TSHR: variants seen among roughly 807,000 people sequenced by gnomAD.
TSHR encodes thyroid stimulating hormone receptor.
TSHR carries 51 observed loss-of-function variants against 64.1 expected under a neutral mutation model. The observed-to-expected ratio is 0.80, with a 90% confidence interval of 0.64 to 1.01. The LOEUF is 1.01. Ranked by LOEUF, TSHR falls within the 50% of genes least tolerant of loss-of-function variation. The pLI is 0.00. For missense variants in TSHR, 877 were observed against 942.8 expected (o/e 0.93, Z 0.91); for synonymous variants, 361 against 361.9 (o/e 1.00, Z 0.03).
Position 80,968,724 on chromosome 14 carries a change from C to G in TSHR, c.170+12874C>G, listed in dbSNP as rs148406713. ...ACCATTATCTGTGGGCTCAAAAGAA[C>G]CAAGAGATGCCCCAGTGAATTCCCT... On this transcript the variant is annotated intron_variant, in intron 1 of 9. Transcript: ENST00000298171. 5.6e-3 allele frequency among the ~76,000 whole-genome samples: 857 copies of G among 152,260 alleles called. 6 individuals carry two copies. The highest frequency in any genetic ancestry group is 8.6e-3 in the Non-Finnish European group (587 of 68,014).
intron 8 of TSHR, among the ~76,000 whole-genome samples, chr14:81,109,104 T>G (rs1890106009): frequency 6.6e-6 from 1 of 152,242 alleles, no homozygotes. Flanking sequence ...GCATCCACTC[T>G]AGTCCTTGCC....
At chr14:81,136,460 G>C (rs1211681927) in intron 8 of TSHR, among the ~76,000 whole-genome samples, 1 of 152,136 alleles carries the variant, frequency 6.6e-6, no homozygotes, top group Non-Finnish European at 1.5e-5. Context: ...GTGGATGAGA[G>C]TGTCAATTAC....
intron 1 of TSHR, among the ~76,000 whole-genome samples, chr14:80,967,129 A>C (rs1325757310): frequency 6.6e-6 from 1 of 151,642 alleles, no homozygotes; most frequent in Non-Finnish European, 1.5e-5. Context: ...GAAGCTAAAA[A>C]AGGAATCCAG....
In TSHR at chr14:81,073,021, A is replaced by AAAAAT. The variant is rs1566794433; in HGVS notation, c.317+4694_317+4695insAAATA. On this transcript the variant is annotated intron_variant, in intron 3 of 9. Coordinates refer to ENST00000298171, the MANE Select transcript of TSHR (RefSeq NM_000369.5). ...CAAAAAAAAAAAAAAATAAAAAATA[A>AAAAAT]ATATATATATATATATATATATATA... Among the ~76,000 whole-genome samples, 62 of 48,566 alleles carry AAAAAT rather than the reference A, an allele frequency of 1.3e-3. 4 individuals are homozygous for AAAAAT. Among genetic ancestry groups the AAAAAT allele is most frequent in the African/African-American group, 3.7e-3 (53 of 14,216 alleles). 31.9% of individuals were successfully genotyped at this position (48,566 alleles called of 152,430 possible).
intron 3 of TSHR, among the ~76,000 whole-genome samples, chr14:81,068,849 G>T (rs1886851074): frequency 6.6e-6 from 1 of 152,050 alleles, no homozygotes; most frequent in South Asian, 2.1e-4. Context: ...AGTCTCATTT[G>T]CAAAATAAGT....
rs1322183408 is a variant in TSHR at position 81,103,289 on chromosome 14, A to G, written c.615-5086A>G. On this transcript the variant is annotated intron_variant, in intron 7 of 9. Transcript: ENST00000298171. The surrounding 1 kb of genome is among the most constrained non-coding windows in gnomAD (Gnocchi z 4.1). ...GCAAACACATCAATCTCCTGTAATT[A>G]TCTTAATAGTGTTCAAGGATTTCAC... 4 of 985,332 alleles carry G rather than the reference A, an allele frequency of 4.1e-6. No homozygotes were observed. Among genetic ancestry groups the G allele is most frequent in the Admixed American group, 6.1e-5 (1 of 16,268 alleles). 61.0% of individuals were successfully genotyped at this position (985,332 alleles called of 1,614,324 possible). A position where few individuals can be genotyped will look rare whatever the true frequency, so the allele number is the denominator to read the frequency against.
rs527793498 is a variant in TSHR at position 81,069,402 on chromosome 14, T to G, written c.317+1074T>G. Among the ~76,000 whole-genome samples, 3 of 152,278 alleles carry G rather than the reference T, an allele frequency of 2.0e-5. No individual in the cohort carries two copies. The South Asian group carries it at 6.2e-4, about 32-fold the overall frequency. ...GTATGGTAGGCTACCTTACATCAGA[T>G]CAACTATTGGTCTGAGAATAACTTA... On this transcript the variant is annotated intron_variant, in intron 3 of 9. Coordinates refer to ENST00000298171, the MANE Select transcript of TSHR (RefSeq NM_000369.5).
chr14:80,982,227 T>C, intron 1 of TSHR: 1 of 620,794 alleles, frequency 1.6e-6, no homozygotes, highest in Non-Finnish European at 2.8e-6. Context: ...AGCCTAAGGC[T>C]CTGGGCAAAG....
chr14:80,979,164 T>A (rs1888042988), intron 1 of TSHR, among the ~76,000 whole-genome samples: 1 of 152,208 alleles, frequency 6.6e-6, no homozygotes, highest in Non-Finnish European at 1.5e-5. Context: ...TGGATGAACC[T>A]GGAGGATATC....
chr14:81,106,711 G>A (rs191389697), intron 7 of TSHR, among the ~76,000 whole-genome samples: 22 of 152,110 alleles, frequency 1.4e-4, no homozygotes, highest in Admixed American at 1.3e-3. Context: ...TTGGGAGGCC[G>A]AGTTGGGCAG....
chr14:81,095,954 C>T (rs529019207), intron 6 of TSHR, among the ~76,000 whole-genome samples: 10 of 150,888 alleles, frequency 6.6e-5, no homozygotes, highest in Non-Finnish European at 1.3e-4. Context: ...GTGGGAGGAT[C>T]GCTTAAGCCC....
chr14:81,080,803 AC>A (rs1297831652), intron 3 of TSHR, among the ~76,000 whole-genome samples: 1 of 152,204 alleles, frequency 6.6e-6, no homozygotes, highest in Non-Finnish European at 1.5e-5. Context: ...TGCTAGTCTA[AC>A]AGTCAAGGCT....
chr14:81,010,585 C>T (rs933732728), intron 1 of TSHR, among the ~76,000 whole-genome samples: 3 of 151,948 alleles, frequency 2.0e-5, no homozygotes, highest in Non-Finnish European at 4.4e-5. Flanking sequence ...TTATATGCAA[C>T]AACATTGCTT....
chr14:80,985,847 T>G (rs1193556356), intron 1 of TSHR, among the ~76,000 whole-genome samples: 1 of 152,186 alleles, frequency 6.6e-6, no homozygotes, highest in Non-Finnish European at 1.5e-5. Context: ...CTTTGGTCAG[T>G]GGGAAGATCT....
intron 1 of TSHR, chr14:80,992,806 A>G (rs1566752836): frequency 6.6e-6 from 1 of 152,226 alleles, no homozygotes; most frequent in Non-Finnish European, 1.5e-5. Flanking sequence ...GGTCATGGTA[A>G]AAACATCTGG....
intron 4 of TSHR, among the ~76,000 whole-genome samples, chr14:81,089,675 G>T (rs537869436): frequency 1.4e-4 from 22 of 152,286 alleles, no homozygotes; most frequent in Non-Finnish European, 2.6e-4. Flanking sequence ...TAAGGGACTT[G>T]TTTGAGATTT....
intron 7 of TSHR, among the ~76,000 whole-genome samples, chr14:81,102,096 C>T (rs1417691363): frequency 1.3e-5 from 2 of 150,818 alleles, no homozygotes; most frequent in African/African-American, 4.9e-5. Flanking sequence ...GGTGTGAACC[C>T]GGGAGGCGGA....
chr14:81,056,097 A>C (rs1885778152), intron 1 of TSHR, among the ~76,000 whole-genome samples: 1 of 152,112 alleles, frequency 6.6e-6, no homozygotes, highest in Non-Finnish European at 1.5e-5. Flanking sequence ...CATGATAGTG[A>C]ATAAGCCTCA....
At chr14:81,037,722 T>G (rs1884716682) in intron 1 of TSHR, among the ~76,000 whole-genome samples, 1 of 142,410 alleles carries the variant, frequency 7.0e-6, no homozygotes, top group African/African-American at 2.6e-5. Context: ...ATTCAAAAAT[T>G]GAAAGGGGAG....
Sources: gnomAD v4.1 joint callset for allele counts (sites outside exome capture counted in the v4.1 genomes callset) on GRCh38, gnomAD v4.1.1 for gene constraint, Gnocchi (gnomAD v3.1) non-coding constraint, MANE v1.5 for transcripts, NCBI Gene and HGNC (gene_info 2026-07-23, HGNC 2026-07-21) for gene names.